CPLANE1: variants seen among roughly 807,000 people sequenced by gnomAD.
CPLANE1 encodes the protein ciliogenesis and planar polarity effector 1.
A neutral mutation model predicts 362.5 loss-of-function variants in CPLANE1; 263 were observed. The observed-to-expected ratio is 0.73, with a 90% confidence interval of 0.66 to 0.80. CPLANE1 has a LOEUF of 0.80. Among genes scored for constraint, CPLANE1 ranks in the 30% least tolerant of loss-of-function variants. CPLANE1 has a pLI of 0.00. For missense variants in CPLANE1, 3,461 were observed against 3,793.4 expected, an observed-to-expected ratio of 0.91 and a Z score of 2.30; for synonymous variants, 1,212 against 1,302.6, an observed-to-expected ratio of 0.93 and a Z score of 1.50.
At chr5:37,213,885 C>T (rs766559933) in intron 15 of CPLANE1, among the ~76,000 whole-genome samples, 153 bp from the exon 16 acceptor site, 66 of 152,034 alleles carry the variant, frequency 4.3e-4, no homozygotes, top group Non-Finnish European at 7.8e-4. Context: ...TAATAGGTAC[C>T]GTACTTCTTA....
intron 31 of CPLANE1, 74 bp from the exon 32 acceptor site, chr5:37,174,021 A>G: frequency 8.0e-7 from 1 of 1,245,496 alleles, no homozygotes; most frequent in Non-Finnish European, 1.1e-6. Flanking sequence ...TATGATCAGA[A>G]TATTTTGATC....
At position 37,226,782 on chromosome 5, in the gene CPLANE1, A is replaced by T. The variant is rs570302899; in HGVS notation, c.1813T>A (p.Phe605Ile). Residue 605 changes from phenylalanine (F) to isoleucine (I), a missense_variant, in exon 12 of 53, where the codon TTT (phenylalanine) becomes ATT (isoleucine). Coordinates refer to ENST00000651892, the MANE Select transcript of CPLANE1 (RefSeq NM_001384732.1). The part of the protein sequence containing the change: ...LNYIVVCITH[F>I]FYILQFIKCP... The stretch of plus-strand genomic sequence containing the variant: ...TTTATAAATTGAAGAATGTAAAAAA[A>T]ATGAGTGATACAAACTACTATGTAA... 1.9e-6 allele frequency: 3 copies of T among 1,542,680 alleles called. No homozygotes were observed. In the South Asian group the frequency reaches 3.7e-5, roughly 19 times the overall value.
intron 46 of CPLANE1, among the ~76,000 whole-genome samples, chr5:37,129,811 C>A (rs1325607239): frequency 6.6e-6 from 1 of 152,130 alleles, no homozygotes; most frequent in African/African-American, 2.4e-5. Context: ...TAAACTAGTA[C>A]AACCACTATG....
chr5:37,198,253 T>C (rs1788124265), intron 20 of CPLANE1, among the ~76,000 whole-genome samples: 1 of 152,032 alleles, frequency 6.6e-6, no homozygotes, highest in Non-Finnish European at 1.5e-5. Flanking sequence ...ATTGCACATC[T>C]CAGAAAATAG....
rs944168145 is a variant in CPLANE1, at chr5:37,169,408, C to A, written c.6616G>T (p.Val2206Phe). The change falls in exon 34 of 53, where the codon GTT becomes TTT. Residue 2206 changes from valine to phenylalanine, a missense_variant. Around this residue, in one of 2 missense-constraint regions of CPLANE1, gnomAD observed 3,380 missense variants for 3,666.1 expected, o/e 0.92. Coordinates refer to ENST00000651892, the MANE Select transcript of CPLANE1 (RefSeq NM_001384732.1). ...GGGATAAGTCTAGGTGCCTTCTGAA[C>A]AACAGAAGGTGTGGACAAAAGGTAG... ...HLYLLSTPSV[V>F]QKAPRLIPHA... 9.3e-6 allele frequency: 15 copies of A among 1,614,064 alleles called. No homozygotes were observed. The highest frequency in any genetic ancestry group is 1.3e-5 in the Non-Finnish European group (15 of 1,180,040).
chr5:37,243,971 C>A (rs545397739), intron 5 of CPLANE1, among the ~76,000 whole-genome samples: 1 of 151,700 alleles, frequency 6.6e-6, no homozygotes, highest in African/African-American at 2.4e-5. Context: ...CTGCCTCAGC[C>A]TCCTGAGTAG....
In CPLANE1 at chr5:37,162,473, G is replaced by A. The variant is rs750933570; in HGVS notation, c.7682C>T (p.Thr2561Ile). 10 of 1,600,654 alleles carry A rather than the reference G, an allele frequency of 6.2e-6. No individual in the cohort carries two copies. In the South Asian group the frequency reaches 9.9e-5, roughly 16 times the overall value. Reference sequence around the variant, plus strand: ...AGTAAAACAGCATTTACCTGGGTCTGTATTTGTACTTGCATCTTGACTTCC... The same window carrying A: ...AGTAAAACAGCATTTACCTGGGTCTATATTTGTACTTGCATCTTGACTTCC... ...AIGSQDASTN[T>I]DPEHEPLTAP... The change falls in exon 38 of 53, where the codon ACA becomes ATA. Residue 2561 changes from threonine (T) to isoleucine (I), a missense_variant. Thr to Ile is a moderately conservative substitution (Grantham distance 89, BLOSUM62 -1). This residue lies in a region of CPLANE1 where 3,380 missense variants were observed against 3,666.1 expected (regional missense o/e 0.92). Coordinates refer to ENST00000651892, the MANE Select transcript of CPLANE1 (RefSeq NM_001384732.1).
At position 37,107,061 on chromosome 5, in the gene CPLANE1, C is replaced by T; in HGVS notation, c.*541G>A. ...AGAAGACAGAAGATCTCCTGGCCTCCATGAAACTTTGCTTATTTAGAGATT... is the reference window on the plus strand; with the variant it reads ...AGAAGACAGAAGATCTCCTGGCCTCTATGAAACTTTGCTTATTTAGAGATT... On this transcript the variant is annotated 3_prime_UTR_variant, in exon 53 of 53. Transcript: ENST00000651892. 2 of 985,390 alleles carry T rather than the reference C, an allele frequency of 2.0e-6. No homozygotes were observed. The highest frequency in any genetic ancestry group is 1.2e-6 in the Non-Finnish European group (1 of 829,900). The allele number at this position is 985,390 out of a possible 1,614,324, so 61.0% of individuals were successfully genotyped here.
chr5:37,125,163 T>C, intron 47 of CPLANE1, 81 bp downstream of exon 47: 4 of 1,469,664 alleles, frequency 2.7e-6, no homozygotes, highest in Non-Finnish European at 3.7e-6. Flanking sequence ...CCAAATTATG[T>C]TAATCTTTTT....
intron 21 of CPLANE1, among the ~76,000 whole-genome samples, chr5:37,194,631 C>G (rs981577340): frequency 6.6e-6 from 1 of 150,598 alleles, no homozygotes; most frequent in Non-Finnish European, 1.5e-5. Context: ...TAAGATTATA[C>G]TAAGGGTGAG....
Position 37,195,841 on chromosome 5 carries a change from G to A in CPLANE1, c.3811+17C>T, listed in dbSNP as rs1787253287. On this transcript the variant is annotated intron_variant, in intron 21 of 52. Coordinates refer to ENST00000651892, the MANE Select transcript of CPLANE1 (RefSeq NM_001384732.1). ...CCATCATTCATACTCTAAGCAAGCA[G>A]TTCATTTTGGACAAACCTATTGCTC... 1.9e-6 allele frequency: 3 copies of A among 1,599,926 alleles called. No individual in the cohort carries two copies. The highest frequency in any genetic ancestry group is 2.6e-6 in the Non-Finnish European group (3 of 1,176,012).
chr5:37,187,369 G>A (rs1401361565), intron 23 of CPLANE1, 45 bp downstream of exon 23: 47 of 1,457,620 alleles, frequency 3.2e-5, no homozygotes, highest in Non-Finnish European at 4.4e-5. Context: ...ATCTTTTAAA[G>A]TCTCTGATTC....
At position 37,125,360 on chromosome 5, in the gene CPLANE1, T is replaced by G. The variant is rs769590748; in HGVS notation, c.8842A>C (p.Arg2948=). 4 of 1,613,906 alleles carry G rather than the reference T, an allele frequency of 2.5e-6. No individual in the cohort carries two copies. Among genetic ancestry groups the G allele is most frequent in the Non-Finnish European group, 3.4e-6 (4 of 1,179,950 alleles). ...CTTTTCATCCAGGCTTGAATCTCTCTTCTTTCCTTGTCAGTTCTTTGTGAA... is the reference window on the plus strand; with the variant it reads ...CTTTTCATCCAGGCTTGAATCTCTCGTCTTTCCTTGTCAGTTCTTTGTGAA... ...RHSQRTDKER[R]EIQAWMKRKR... Residue 2948 remains arginine, a synonymous_variant, in exon 47 of 53, where the codon AGA becomes CGA. Coordinates refer to ENST00000651892, the MANE Select transcript of CPLANE1 (RefSeq NM_001384732.1).
chr5:37,095,993 C>T, the CPLANE1 span, among the ~76,000 whole-genome samples: 1 of 152,108 alleles, frequency 6.6e-6, no homozygotes, highest in Non-Finnish European at 1.5e-5. Context: ...GTAAAAATGA[C>T]CATACTGCCA....
chr5:37,159,475 A>C (rs1168745791), intron 38 of CPLANE1, among the ~76,000 whole-genome samples: 1 of 152,240 alleles, frequency 6.6e-6, no homozygotes, highest in Admixed American at 6.5e-5. Context: ...GCCTATAATT[A>C]AATTTTACCA....
chr5:37,171,652 C>A (rs1779808175), intron 32 of CPLANE1, among the ~76,000 whole-genome samples: 1 of 151,964 alleles, frequency 6.6e-6, no homozygotes, highest in Non-Finnish European at 1.5e-5. Context: ...CAGGAAAAAA[C>A]AGAAATTTTA....
In CPLANE1 at chr5:37,198,701, C is replaced by A. The variant is rs1321798322; in HGVS notation, c.3672+1G>T. ...TGTAAATGACTAAGATATTTCCATA[C>A]CTTCTGCATGACTTTTCTTGCCCAC... On this transcript the variant is annotated splice_donor_variant, in intron 20 of 52. Coordinates refer to ENST00000651892, the MANE Select transcript of CPLANE1 (RefSeq NM_001384732.1). LOFTEE classifies it high-confidence loss of function. 1 of 1,612,456 alleles carries A rather than the reference C, an allele frequency of 6.2e-7. No individual in the cohort carries two copies. Among genetic ancestry groups the A allele is most frequent in the East Asian group, 2.2e-5 (1 of 44,868 alleles).
At chr5:37,084,551 G>A in the CPLANE1 span, among the ~76,000 whole-genome samples, 11 of 151,978 alleles carry the variant, frequency 7.2e-5, no homozygotes, top group South Asian at 6.2e-4. Flanking sequence ...AGGCCGAGTC[G>A]GGCAGATCAC....
the CPLANE1 span, among the ~76,000 whole-genome samples, chr5:37,092,706 C>T: frequency 6.6e-6 from 1 of 152,220 alleles, no homozygotes; most frequent in Non-Finnish European, 1.5e-5. Context: ...CACCTCAAGA[C>T]ACTTTATGGC....
Sources: allele counts gnomAD v4.1 joint callset (sites outside exome capture counted in the v4.1 genomes callset), GRCh38; gene constraint gnomAD v4.1.1; regional missense constraint gnomAD v4.1.1; transcripts MANE v1.5; gene names NCBI Gene and HGNC (gene_info 2026-07-23, HGNC 2026-07-21).